Variants in ATXN1 observed in about 807,000 individuals in gnomAD.
ATXN1 encodes ataxin 1.
A neutral mutation model predicts 56.4 loss-of-function variants in ATXN1; 8 were observed. The observed-to-expected ratio is 0.14, with a 90% confidence interval of 0.08 to 0.26. ATXN1 has a LOEUF of 0.26. Among genes scored for constraint, ATXN1 ranks in the 10% least tolerant of loss-of-function variants. The probability of loss-of-function intolerance (pLI) is 1.00; values close to 1 mark genes in which losing one functional copy is unlikely to be tolerated. For missense variants in ATXN1, 987 were observed against 1,106.5 expected (o/e 0.89, Z 1.53); for synonymous variants, 514 against 494.6 (o/e 1.04, Z -0.52).
chr6:16,565,004 T>G (rs1000062005), intron 4 of ATXN1, among the ~76,000 whole-genome samples: 1 of 152,202 alleles, frequency 6.6e-6, no homozygotes, highest in Non-Finnish European at 1.5e-5. Context: ...TCAGAAGATG[T>G]CCATCCTCTT....
At chr6:16,491,866 G>A (rs1333251720) in intron 5 of ATXN1, among the ~76,000 whole-genome samples, 1 of 152,178 alleles carries the variant, frequency 6.6e-6, no homozygotes, top group Admixed American at 6.5e-5. Context: ...CAAAGTGAGA[G>A]AGGACATGTT....
At chr6:16,333,833 G>C (rs1042981799) in intron 6 of ATXN1, among the ~76,000 whole-genome samples, 1 of 152,300 alleles carries the variant, frequency 6.6e-6, no homozygotes, top group Admixed American at 6.5e-5. Flanking sequence ...AAACTGGAAG[G>C]CCTGTGTGGT....
At chr6:16,460,088 C>A (rs1188307604) in intron 6 of ATXN1, among the ~76,000 whole-genome samples, 4 of 152,024 alleles carry the variant, frequency 2.6e-5, no homozygotes, top group Non-Finnish European at 5.9e-5. Context: ...TATGGATCCC[C>A]GGATACAGCG....
chr6:16,365,924 A>G (rs907070876), intron 6 of ATXN1, among the ~76,000 whole-genome samples: 1 of 152,162 alleles, frequency 6.6e-6, no homozygotes, highest in Admixed American at 6.5e-5. Flanking sequence ...AGAGTCCTAT[A>G]TATCTATATA....
chr6:16,735,692 T>G lies in ATXN1; in HGVS notation c.-615+17541A>C, dbSNP rs571229541. On this transcript the variant is annotated intron_variant, in intron 2 of 7. Coordinates refer to ENST00000436367, the MANE Select transcript of ATXN1 (RefSeq NM_001128164.2). The stretch of plus-strand genomic sequence containing the variant: ...TGTACTCAGAGTTCACAAAATACAT[T>G]AAGTCCTAATATCTTACATTGACAA... Among the ~76,000 whole-genome samples, 4 of 152,302 alleles carry G rather than the reference T, an allele frequency of 2.6e-5. No individual in the cohort carries two copies. The South Asian group carries it at 8.3e-4, about 32-fold the overall frequency.
At chr6:16,674,051 T>TTA (rs1554124868) in intron 2 of ATXN1, among the ~76,000 whole-genome samples, 272 of 151,938 alleles carry the variant, frequency 1.8e-3, no homozygotes, top group Non-Finnish European at 3.0e-3. Flanking sequence ...CTAACGTGTT[T>TTA]TATATATATA....
chr6:16,500,736 G>GAAAA (rs1346838691), intron 5 of ATXN1, among the ~76,000 whole-genome samples: 1 of 82,702 alleles, frequency 1.2e-5, no homozygotes, highest in African/African-American at 4.9e-5. Context: ...TCTTCATTAT[G>GAAAA]ATAAAAAAAA....
chr6:16,592,790 T>C (rs1016354442), intron 3 of ATXN1, among the ~76,000 whole-genome samples: 3 of 149,108 alleles, frequency 2.0e-5, no homozygotes, highest in African/African-American at 4.9e-5. Context: ...AGCAGCAAGA[T>C]TTATCATAAA....
chr6:16,687,530 T>C (rs1455798303), intron 2 of ATXN1, among the ~76,000 whole-genome samples: 1 of 151,446 alleles, frequency 6.6e-6, no homozygotes, highest in East Asian at 1.9e-4. Context: ...AAAAAAACTT[T>C]AGAGAGATTA....
chr6:16,545,568 A>G (rs1761799838), intron 4 of ATXN1, among the ~76,000 whole-genome samples: 1 of 152,210 alleles, frequency 6.6e-6, no homozygotes, highest in South Asian at 2.1e-4. Flanking sequence ...CTATTTGCCT[A>G]CTAGAACTTT....
chr6:16,539,485 AGAG>A (rs913257109), intron 4 of ATXN1, among the ~76,000 whole-genome samples: 18 of 152,216 alleles, frequency 1.2e-4, no homozygotes, highest in African/African-American at 4.3e-4. Context: ...AAGAGATAAG[AGAG>A]GAGCAGAGAG....
intron 5 of ATXN1, among the ~76,000 whole-genome samples, chr6:16,501,308 A>G (rs1297631334): frequency 1.3e-5 from 2 of 152,174 alleles, no homozygotes; most frequent in African/African-American, 4.8e-5. Flanking sequence ...TTTATTTTTA[A>G]AATATTTTTA....
At chr6:16,476,328 T>A (rs1760326213) in intron 6 of ATXN1, among the ~76,000 whole-genome samples, 1 of 152,188 alleles carries the variant, frequency 6.6e-6, no homozygotes. Flanking sequence ...AACTGGTCTA[T>A]CATCTACTTT....
At chr6:16,750,468 T>C (rs1760677039) in intron 2 of ATXN1, among the ~76,000 whole-genome samples, 2 of 152,242 alleles carry the variant, frequency 1.3e-5, no homozygotes, top group South Asian at 2.1e-4. Context: ...ACAACATGAA[T>C]GATACTATTT....
chr6:16,510,674 G>A (rs1027047762), intron 5 of ATXN1, among the ~76,000 whole-genome samples: 1 of 152,156 alleles, frequency 6.6e-6, no homozygotes, highest in Non-Finnish European at 1.5e-5. Flanking sequence ...GGAGGTTGAG[G>A]CTGCAATGAG....
chr6:16,551,342 C>T (rs1761916972), intron 4 of ATXN1, among the ~76,000 whole-genome samples: 1 of 152,214 alleles, frequency 6.6e-6, no homozygotes, highest in Non-Finnish European at 1.5e-5. Flanking sequence ...CAGGCCCCAA[C>T]ATTCCCTTTG....
At chr6:16,434,099 T>G (rs1168706785) in intron 6 of ATXN1, among the ~76,000 whole-genome samples, 2 of 152,232 alleles carry the variant, frequency 1.3e-5, no homozygotes, top group African/African-American at 4.8e-5. Flanking sequence ...TTATAATATT[T>G]GTGGGTTCAT....
intron 4 of ATXN1, among the ~76,000 whole-genome samples, chr6:16,546,561 C>T (rs2113722906): frequency 6.6e-6 from 1 of 152,268 alleles, no homozygotes; most frequent in South Asian, 2.1e-4. Context: ...ATCAGAAAAT[C>T]CTGAATTTTA....
intron 3 of ATXN1, among the ~76,000 whole-genome samples, chr6:16,587,784 A>G (rs1311947528): frequency 6.6e-6 from 1 of 151,896 alleles, no homozygotes; most frequent in Non-Finnish European, 1.5e-5. Context: ...AAAAAAAACT[A>G]GCCAGGCATG....
Sources: gnomAD v4.1 joint callset for allele counts (sites outside exome capture counted in the v4.1 genomes callset) on GRCh38, gnomAD v4.1.1 for gene constraint, MANE v1.5 for transcripts, NCBI Gene and HGNC (gene_info 2026-07-23, HGNC 2026-07-21) for gene names.